The following CSMD1 variants were observed in gnomAD, a reference collection of about 807,000 sequenced individuals.
CSMD1 encodes the protein CUB and sushi domain-containing protein 1.
In CSMD1, 213 loss-of-function variants were observed where a neutral mutation model predicts 417.5. The ratio of observed to expected loss-of-function variants is 0.51; its 90% CI spans 0.46 to 0.57. The LOEUF is 0.57. Ranked by LOEUF, CSMD1 falls within the 20% of genes least tolerant of loss-of-function variation. The pLI is 0.00. For missense variants in CSMD1, 6,923 were observed against 4,529.7 expected, an observed-to-expected ratio of 1.53 and a Z score of -15.17; for synonymous variants, 2,862 against 1,736.8, an observed-to-expected ratio of 1.65 and a Z score of -16.11.
chr8:3,233,286 G>C (rs933072168), intron 26 of CSMD1, among the ~76,000 whole-genome samples: 2 of 152,236 alleles, frequency 1.3e-5, no homozygotes, highest in African/African-American at 4.8e-5. Context: ...ATCACAGGAG[G>C]GGAATTGGTG....
At chr8:4,435,182 T>C (rs1431057599) in intron 2 of CSMD1, among the ~76,000 whole-genome samples, 2 of 152,174 alleles carry the variant, frequency 1.3e-5, no homozygotes, top group Non-Finnish European at 2.9e-5. Flanking sequence ...CAATAGGGAA[T>C]ATAAATTGAT....
intron 3 of CSMD1, among the ~76,000 whole-genome samples, chr8:4,152,483 G>A (rs920572494): frequency 6.6e-6 from 1 of 150,648 alleles, no homozygotes; most frequent in Non-Finnish European, 1.5e-5. Flanking sequence ...GGGCCAAGGA[G>A]TATGGAAAAC....
At chr8:4,166,207 G>A (rs1559565) in intron 3 of CSMD1, among the ~76,000 whole-genome samples, 79,422 of 151,932 alleles carry the variant, frequency 0.52, 22,321 homozygotes, top group Non-Finnish European at 0.62. Context: ...TCAGTTTTAT[G>A]ACATATTTCA....
intron 3 of CSMD1, among the ~76,000 whole-genome samples, chr8:4,301,892 C>T (rs1413625889): frequency 6.6e-6 from 1 of 152,156 alleles, no homozygotes; most frequent in Non-Finnish European, 1.5e-5. Flanking sequence ...GTTGTTCTCA[C>T]TTCAAGTTTA....
chr8:3,753,230 T>C (rs868248681), intron 6 of CSMD1, among the ~76,000 whole-genome samples: 1 of 152,238 alleles, frequency 6.6e-6, no homozygotes, highest in African/African-American at 2.4e-5. Context: ...AGTCATGTTA[T>C]TTTAATTTGG....
chr8:3,822,955 T>C (rs1330453982), intron 5 of CSMD1, among the ~76,000 whole-genome samples: 1 of 152,192 alleles, frequency 6.6e-6, no homozygotes, highest in Non-Finnish European at 1.5e-5. Context: ...CTAAGAAAAG[T>C]TGAATCAACT....
At chr8:3,002,805 C>T (rs1382051578) in intron 52 of CSMD1, among the ~76,000 whole-genome samples, 1 of 152,214 alleles carries the variant, frequency 6.6e-6, no homozygotes, top group African/African-American at 2.4e-5. Flanking sequence ...ACAGCCATGA[C>T]TGTAAATAAA....
intron 7 of CSMD1, among the ~76,000 whole-genome samples, chr8:3,624,984 T>G (rs1307608966): frequency 6.6e-6 from 1 of 152,166 alleles, no homozygotes; most frequent in Non-Finnish European, 1.5e-5. Context: ...TAAGAAAATG[T>G]TGCCATGGTA....
At chr8:3,157,774 A>G in intron 39 of CSMD1, 123 bp downstream of exon 39, 1 of 734,094 alleles carries the variant, frequency 1.4e-6, no homozygotes, top group Non-Finnish European at 2.4e-6. Context: ...ATGTGCTATT[A>G]GTATATAACA....
intron 3 of CSMD1, among the ~76,000 whole-genome samples, chr8:4,174,676 T>A (rs1017624476): frequency 6.2e-5 from 7 of 112,920 alleles, no homozygotes; most frequent in Non-Finnish European, 9.2e-5. Context: ...CATGCTAACA[T>A]GCTCAAAGAA....
intron 3 of CSMD1, among the ~76,000 whole-genome samples, chr8:4,066,270 C>A (rs1277480419): frequency 1.3e-5 from 2 of 152,162 alleles, no homozygotes; most frequent in African/African-American, 4.8e-5. Flanking sequence ...TCTGAGGTAT[C>A]CCTTCTTTCT....
intron 1 of CSMD1, among the ~76,000 whole-genome samples, chr8:4,759,005 A>C (rs947937882): frequency 1.2e-4 from 12 of 97,498 alleles, no homozygotes; most frequent in African/African-American, 6.4e-4. Flanking sequence ...AGAATGTCTT[A>C]AATAAGGTTC....
chr8:4,053,972 G>A lies in CSMD1; in HGVS notation c.416-21873C>T, dbSNP rs141988475. On this transcript the variant is annotated intron_variant, in intron 3 of 69. Transcript: ENST00000635120. ...ATTCTTTATTACCGTGCATTCAAAA[G>A]TATATAAGGAAGTTAAGAACCTGAG... Among the ~76,000 whole-genome samples, 1,483 of 152,222 alleles carry A rather than the reference G, an allele frequency of 9.7e-3. 23 individuals are homozygous for A. The highest frequency in any genetic ancestry group is 0.027 in the African/African-American group (1,104 of 41,532).
intron 3 of CSMD1, among the ~76,000 whole-genome samples, chr8:4,203,634 G>A (rs925506416): frequency 6.6e-6 from 1 of 151,930 alleles, no homozygotes; most frequent in Admixed American, 6.6e-5. Flanking sequence ...GGCTGGGGGT[G>A]GACACTACAC....
intron 12 of CSMD1, among the ~76,000 whole-genome samples, chr8:3,456,892 C>T (rs980662541): frequency 1.3e-5 from 2 of 152,090 alleles, no homozygotes; most frequent in South Asian, 2.1e-4. Context: ...CTGCACTATC[C>T]TGCCCCCCTT....
intron 7 of CSMD1, among the ~76,000 whole-genome samples, chr8:3,671,765 CA>C (rs1435319123): frequency 6.6e-6 from 1 of 151,470 alleles, no homozygotes; most frequent in Non-Finnish European, 1.5e-5. Context: ...GCCCCTTGCT[CA>C]GGTGCTGTTA....
At chr8:3,140,140 G>C (rs745669404) in intron 41 of CSMD1, among the ~76,000 whole-genome samples, 9 of 152,140 alleles carry the variant, frequency 5.9e-5, no homozygotes, top group Non-Finnish European at 1.2e-4. Context: ...CTGACCTCAG[G>C]TGATCAGCCC....
chr8:4,234,221 C>T (rs562475126), intron 3 of CSMD1, among the ~76,000 whole-genome samples: 81 of 152,248 alleles, frequency 5.3e-4, no homozygotes, highest in African/African-American at 1.8e-3. Flanking sequence ...CATCTGTAAG[C>T]GAAGGCTGCC....
chr8:4,330,188 A>T (rs1356076777), intron 3 of CSMD1, among the ~76,000 whole-genome samples: 2 of 128,444 alleles, frequency 1.6e-5, no homozygotes, highest in Non-Finnish European at 3.7e-5. Flanking sequence ...TCCTGTTATG[A>T]AATCCACAAT....
Sources: gnomAD v4.1 joint callset for allele counts (sites outside exome capture counted in the v4.1 genomes callset) on GRCh38, gnomAD v4.1.1 for gene constraint, MANE v1.5 for transcripts, NCBI Gene and HGNC (gene_info 2026-07-23, HGNC 2026-07-21) for gene names.